Variants in ZNF217 observed in about 807,000 individuals in gnomAD.
ZNF217 encodes zinc finger protein 217.
ZNF217 carries 12 observed loss-of-function variants against 73.3 expected under a neutral mutation model. The observed-to-expected ratio is 0.16, with a 90% CI of 0.10 to 0.27. The LOEUF is 0.27. ZNF217 is among the 10% of genes least tolerant of loss of function. The pLI is 1.00. For missense variants in ZNF217, 1,195 were observed against 1,327.8 expected (o/e 0.90, Z 1.55); for synonymous variants, 588 against 516.4 (o/e 1.14, Z -1.88).
At position 53,571,860 on chromosome 20, in the gene ZNF217, GAA is replaced by G; in HGVS notation, c.3038-9_3038-8del. The stretch of plus-strand genomic sequence containing the variant: ...TATGACACAGGCCTTTTTCCTGATT[GAA>G]AAAAAAAACATATTTAGAGTTAAGG... On this transcript the variant is annotated splice_polypyrimidine_tract_variant and splice_region_variant and intron_variant, in intron 4 of 5. Transcript: ENST00000371471. The G allele has an allele frequency of 1.4e-6, 2 of 1,465,582 alleles. No individual in the cohort carries two copies. The highest frequency in any genetic ancestry group is 1.5e-5 in the African/African-American group (1 of 67,118). The allele number at this position is 1,465,582 out of a possible 1,614,324, so 90.8% of individuals were successfully genotyped here. A position where few individuals can be genotyped will look rare whatever the true frequency, so the allele number is the denominator to read the frequency against.
At position 53,583,066 on chromosome 20, in the gene ZNF217, T is replaced by C; in HGVS notation, c.-240A>G. The stretch of plus-strand genomic sequence containing the variant: ...GGTTCCCAATGCCTCGATTCAAATA[T>C]GAATCAGCACAAAGCATTAGTTCTC... On this transcript the variant is annotated 5_prime_UTR_variant, in exon 2 of 6. Transcript: ENST00000371471. 1.0e-5 allele frequency: 5 copies of C among 485,172 alleles called. No individual in the cohort carries two copies. Among genetic ancestry groups the C allele is most frequent in the Non-Finnish European group, 1.8e-5 (5 of 275,890 alleles). The allele number at this position is 485,172 out of a possible 1,614,324, so 30.1% of individuals were successfully genotyped here. A position where few individuals can be genotyped will look rare whatever the true frequency, so the allele number is the denominator to read the frequency against.
At chr20:53,588,949 T>C (rs544108132) in intron 1 of ZNF217, among the ~76,000 whole-genome samples, 1 of 152,322 alleles carries the variant, frequency 6.6e-6, no homozygotes, top group South Asian at 2.1e-4. Context: ...TCTATATTGA[T>C]TACAAAAGAA....
intron 1 of ZNF217, among the ~76,000 whole-genome samples, chr20:53,588,462 A>G (rs555847107): frequency 6.6e-6 from 1 of 152,194 alleles, no homozygotes; most frequent in African/African-American, 2.4e-5. Context: ...TATCTGTAAA[A>G]ATTTGACAGG....
chr20:53,595,173 G>GATATTT (rs1989020703), upstream of ZNF217, among the ~76,000 whole-genome samples: 1 of 151,610 alleles, frequency 6.6e-6, no homozygotes, highest in Non-Finnish European at 1.5e-5. Context: ...GATTCCTAAG[G>GATATTT]CCTGTGATAT....
At chr20:53,575,485 A>C (rs1289153628) in intron 4 of ZNF217, 1 of 418,328 alleles carries the variant, frequency 2.4e-6, no homozygotes, top group African/African-American at 2.0e-5. Context: ...AAAATAAAGT[A>C]AGACTAAACA....
In ZNF217 at chr20:53,582,400, C is replaced by T. The variant is rs1160551747; in HGVS notation, c.427G>A (p.Val143Ile). 1 of 1,441,108 alleles carries T rather than the reference C, an allele frequency of 6.9e-7. No individual in the cohort carries two copies. The highest frequency in any genetic ancestry group is 9.6e-7 in the Non-Finnish European group (1 of 1,044,780). 89.3% of individuals were successfully genotyped at this position (1,441,108 alleles called of 1,614,324 possible). Residue 143 changes from valine (V) to isoleucine (I), a missense_variant, in exon 2 of 6, where the codon GTT becomes ATT. Physicochemically the swap from Val to Ile is conservative, Grantham distance 29. Coordinates refer to ENST00000371471, the MANE Select transcript of ZNF217 (RefSeq NM_006526.3). This position sits in a 1 kb window ranked among gnomAD's most constrained non-coding sequence, Gnocchi z 4.8. ...TTGTGTGTTCTCATGTGGATCTCAA[C>T]ATCAAAAGCGACTCTAAATGTCTGC... ...CGQTFRVAFD[V>I]EIHMRTHKDS...
In ZNF217 at chr20:53,581,483, C is replaced by A; in HGVS notation, c.1344G>T (p.Gly448=). Residue 448 remains glycine, a synonymous_variant, in exon 2 of 6, where the codon GGG becomes GGT. Coordinates refer to ENST00000371471, the MANE Select transcript of ZNF217 (RefSeq NM_006526.3). The surrounding 1 kb of genome is among the most constrained non-coding windows in gnomAD (Gnocchi z 4.9). The part of the protein sequence containing the change: ...EGGSEDGSED[G]LPEGIHLDKN... Reference sequence around the variant, plus strand: ...TACCCAGATGGATTCCTTCGGGAAGCCCATCCTCAGATCCGTCTTCAGAAC... The same window carrying A: ...TACCCAGATGGATTCCTTCGGGAAGACCATCCTCAGATCCGTCTTCAGAAC... 3 of 1,610,752 alleles carry A rather than the reference C, an allele frequency of 1.9e-6. No individual in the cohort carries two copies. The highest frequency in any genetic ancestry group is 1.7e-6 in the Non-Finnish European group (2 of 1,177,554).
intron 5 of ZNF217, chr20:53,570,423 C>G (rs1164711312): frequency 6.5e-6 from 1 of 153,004 alleles, no homozygotes; most frequent in Non-Finnish European, 1.5e-5. Context: ...CCAGCAGGCA[C>G]TTGGTGAAGA....
At chr20:53,578,798 G>A (rs999709726) in intron 2 of ZNF217, among the ~76,000 whole-genome samples, 45 of 152,146 alleles carry the variant, frequency 3.0e-4, no homozygotes, top group African/African-American at 1.1e-3. Flanking sequence ...GGCAGGATCT[G>A]GCAAACTGAA....
intron 4 of ZNF217, among the ~76,000 whole-genome samples, chr20:53,573,071 G>A (rs1988084202): frequency 6.6e-6 from 1 of 151,814 alleles, no homozygotes; most frequent in South Asian, 2.1e-4. Context: ...GGATGCTCAG[G>A]TCCCTAATAT....
In ZNF217 at chr20:53,581,792, C is replaced by T. The variant is rs752586009; in HGVS notation, c.1035G>A (p.Ser345=). 9 of 1,614,114 alleles carry T rather than the reference C, an allele frequency of 5.6e-6. No homozygotes were observed. The South Asian group carries it at 6.6e-5, about 12-fold the overall frequency. Residue 345 remains serine, a synonymous_variant, in exon 2 of 6, where the codon TCG becomes TCA. Coordinates refer to ENST00000371471, the MANE Select transcript of ZNF217 (RefSeq NM_006526.3). This position sits in a 1 kb window ranked among gnomAD's most constrained non-coding sequence, Gnocchi z 4.9. The part of the protein sequence containing the change: ...ETNKGSCAGL[S]QEKEKCKHSH... ...AGTGTTTGCACTTCTCTTTCTCTTG[C>T]GAGAGGCCTGCACAACTGCCCTTAT...
intron 1 of ZNF217, among the ~76,000 whole-genome samples, chr20:53,585,282 G>A (rs764275166): frequency 1.3e-5 from 2 of 152,012 alleles, no homozygotes; most frequent in African/African-American, 2.4e-5. Context: ...ATGTGAGGAC[G>A]GGTATAGTGG....
Position 53,575,994 on chromosome 20 carries a change from C to T in ZNF217, c.2770G>A (p.Val924Met), listed in dbSNP as rs376210645. Residue 924 changes from valine to methionine, a missense_variant, in exon 4 of 6, where the codon GTG becomes ATG. Val to Met is a conservative substitution (Grantham distance 21). This residue lies in a region of ZNF217 where 649 missense variants were observed against 642.8 expected (regional missense o/e 1.01). Coordinates refer to ENST00000371471, the MANE Select transcript of ZNF217 (RefSeq NM_006526.3). ...GGCTGGTCAACGTCAAGGGCAACCA[C>T]GCTGGACTTCAGTCTTTTTGGAAGG... ...EPLPKRLKSS[V>M]VALDVDQPGA... 5.8e-5 allele frequency: 94 copies of T among 1,614,096 alleles called. No homozygotes were observed. The highest frequency in any genetic ancestry group is 9.3e-5 in the African/African-American group (7 of 74,922).
At chr20:53,594,781 CTT>C (rs1465592020), upstream of ZNF217, among the ~76,000 whole-genome samples, 1 of 152,216 alleles carries the variant, frequency 6.6e-6, no homozygotes, top group Non-Finnish European at 1.5e-5. Flanking sequence ...AAACAAAAAC[CTT>C]AACGCCGTTG....
chr20:53,572,968 T>C (rs1988079446), intron 4 of ZNF217: 2 of 152,122 alleles, frequency 1.3e-5, no homozygotes, highest in Non-Finnish European at 2.9e-5. Flanking sequence ...AAGGTTGGTT[T>C]TAAATTAATA....
chr20:53,592,145 A>G (rs1568693413), intron 1 of ZNF217, among the ~76,000 whole-genome samples: 2 of 152,338 alleles, frequency 1.3e-5, no homozygotes, highest in Admixed American at 1.3e-4. Flanking sequence ...TAATGCTTCC[A>G]AACGATCTAG....
At position 53,572,298 on chromosome 20, in the gene ZNF217, G is replaced by A. The variant is rs140502735; in HGVS notation, c.3038-445C>T. Among the ~76,000 whole-genome samples the A allele has an allele frequency of 2.6e-4, 40 of 152,118 alleles. No homozygotes were observed. In the East Asian group the frequency reaches 5.2e-3, roughly 20 times the overall value. Reference sequence around the variant, plus strand: ...CATGCACCTTTAGTCCCAGCTACTCGGGAGGCTGAGACGGAAGGATGGAAG... The same window carrying A: ...CATGCACCTTTAGTCCCAGCTACTCAGGAGGCTGAGACGGAAGGATGGAAG... On this transcript the variant is annotated intron_variant, in intron 4 of 5. Transcript: ENST00000371471.
chr20:53,582,846 G>A lies in ZNF217; in HGVS notation c.-20C>T. On this transcript the variant is annotated 5_prime_UTR_variant, in exon 2 of 6. Transcript: ENST00000371471. The surrounding 1 kb of genome is among the most constrained non-coding windows in gnomAD (Gnocchi z 4.8). ...TTGCATATAATCTCAAAGTTCCGTT[G>A]GGCAATTTCTGGAGTTGGAATAAGG... 6.4e-7 allele frequency: 1 copy of A among 1,570,082 alleles called. No individual in the cohort carries two copies. The highest frequency in any genetic ancestry group is 1.8e-5 in the Admixed American group (1 of 55,438).
Position 53,575,962 on chromosome 20 carries a change from G to C in ZNF217, c.2802C>G (p.Ala934=). The change falls in exon 4 of 6, where the codon GCC becomes GCG. Residue 934 remains alanine, a synonymous_variant. Transcript: ENST00000371471. ...GAAGGTCATAGCCTCTTCTGTAATTGGCCCCGGGCTGGTCAACGTCAAGGG... is the reference window on the plus strand; with the variant it reads ...GAAGGTCATAGCCTCTTCTGTAATTCGCCCCGGGCTGGTCAACGTCAAGGG... ...VVALDVDQPG[A]NYRRGYDLPK... is the part of the protein sequence containing the mutation. 1 of 1,614,204 alleles carries C rather than the reference G, an allele frequency of 6.2e-7. No individual in the cohort carries two copies. The highest frequency in any genetic ancestry group is 8.5e-7 in the Non-Finnish European group (1 of 1,180,034).
Sources: allele counts gnomAD v4.1 joint callset (sites outside exome capture counted in the v4.1 genomes callset), GRCh38; gene constraint gnomAD v4.1.1; regional missense constraint gnomAD v4.1.1; non-coding constraint Gnocchi (gnomAD v3.1); transcripts MANE v1.5; gene names NCBI Gene and HGNC (gene_info 2026-07-23, HGNC 2026-07-21).